The following TNS2 variants were observed in gnomAD, a reference collection of about 807,000 sequenced individuals.
TNS2 encodes the protein tensin-2.
TNS2 carries 77 observed loss-of-function variants against 155.7 expected under a neutral mutation model. The observed-to-expected ratio is 0.49, with a 90% confidence interval of 0.41 to 0.60. TNS2 has a LOEUF of 0.60. Ranked by LOEUF, TNS2 falls within the 20% of genes least tolerant of loss-of-function variation. The pLI is 0.00. For missense variants in TNS2, 1,703 were observed against 1,868.8 expected (o/e 0.91, Z 1.64); for synonymous variants, 726 against 763.9 (o/e 0.95, Z 0.82).
chr12:53,054,335 G>C lies in TNS2; in HGVS notation c.416G>C (p.Arg139Pro). The change falls in exon 7 of 29, where the codon CGC (arginine) becomes CCC (proline). Residue 139 changes from arginine (R) to proline (P), a missense_variant. Physicochemically the swap from Arg to Pro is moderately radical, Grantham distance 103. Coordinates refer to ENST00000314250, the MANE Select transcript of TNS2 (RefSeq NM_170754.4). ...WDLDLTYVTE[R>P]ILAAAFPARP... ...TTAGACCTCACCTACGTGACGGAGC[G>C]CATCTTGGCCGCCGCCTTCCCCGCG... 6.2e-7 allele frequency: 1 copy of C among 1,613,132 alleles called. No individual in the cohort carries two copies. Among genetic ancestry groups the C allele is most frequent in the Non-Finnish European group, 8.5e-7 (1 of 1,179,872 alleles).
intron 4 of TNS2, 62 bp from the exon 5 acceptor site, chr12:53,053,712 C>T (rs1426376993): frequency 1.3e-6 from 2 of 1,593,986 alleles, no homozygotes; most frequent in African/African-American, 2.7e-5. Context: ...CCCCAAGGCC[C>T]ACATTGGTCC....
rs1277828137 is a variant in TNS2 at position 53,060,455 on chromosome 12, C to T, written c.2668C>T (p.Leu890=). 6.2e-7 allele frequency: 1 copy of T among 1,613,706 alleles called. No individual in the cohort carries two copies. Among genetic ancestry groups the T allele is most frequent in the Non-Finnish European group, 8.5e-7 (1 of 1,179,992 alleles). Residue 890 remains leucine (L), a synonymous_variant, in exon 19 of 29, where the codon CTG becomes TTG. Transcript: ENST00000314250. This position sits in a 1 kb window ranked among gnomAD's most constrained non-coding sequence, Gnocchi z 6.1. ...WREGPSGHST[L]PRSPRDAPCS... The stretch of plus-strand genomic sequence containing the variant: ...GGAGGGCCCCAGTGGGCACAGCACA[C>T]TGCCTCGGTCTCCCCGAGATGCCCC...
At chr12:53,056,722 A>T (rs1048802022) in intron 10 of TNS2, among the ~76,000 whole-genome samples, 2 of 152,210 alleles carry the variant, frequency 1.3e-5, no homozygotes, top group Non-Finnish European at 2.9e-5. Context: ...CTATTTCCAA[A>T]TAAGGTCACA....
intron 3 of TNS2, 47 bp from the exon 4 acceptor site, chr12:53,053,364 G>C: frequency 6.2e-7 from 1 of 1,612,620 alleles, no homozygotes; most frequent in African/African-American, 1.3e-5. Context: ...TCAAGCCCAC[G>C]AGAGCCCTTC....
chr12:53,055,143 G>A, intron 7 of TNS2, 43 bp from the exon 8 acceptor site: 1 of 1,608,608 alleles, frequency 6.2e-7, no homozygotes, highest in South Asian at 1.1e-5. Context: ...GTGCCTCATT[G>A]CCGGAGATCA....
At chr12:53,058,488 AGGCAGGTG>A in intron 15 of TNS2, 43 bp downstream of exon 15, 1 of 487,794 alleles carries the variant, frequency 2.1e-6, no homozygotes, top group South Asian at 7.5e-5. Flanking sequence ...TCCAGGTGGC[AGGCAGGTG>A]GCAGGCAGGT....
In TNS2 at chr12:53,059,068, G is replaced by T. The variant is rs777510059; in HGVS notation, c.1427G>T (p.Gly476Val). Residue 476 changes from glycine to valine, a missense_variant, in exon 18 of 29, where the codon GGT (glycine) becomes GTT (valine). Coordinates refer to ENST00000314250, the MANE Select transcript of TNS2 (RefSeq NM_170754.4). The surrounding 1 kb of genome is among the most constrained non-coding windows in gnomAD (Gnocchi z 4.7). Reference protein sequence around the residue: ...SVDGSLTHTRGPLDGSPYAQV... With the variant: ...SVDGSLTHTRVPLDGSPYAQV... The stretch of plus-strand genomic sequence containing the variant: ...TCAGGCTCCTTGACCCACACCCGGG[G>T]TCCCCTGGATGGCAGTCCTTATGCC... 1.3e-6 allele frequency: 2 copies of T among 1,537,494 alleles called. No individual in the cohort carries two copies. The highest frequency in any genetic ancestry group is 8.7e-7 in the Non-Finnish European group (1 of 1,144,742).
intron 7 of TNS2, 133 bp downstream of exon 7, chr12:53,054,574 G>A: frequency 8.4e-7 from 1 of 1,186,090 alleles, no homozygotes; most frequent in Non-Finnish European, 1.1e-6. Context: ...GTGGGGGCGG[G>A]GCCCGGAGCG....
At chr12:53,055,290 A>G in intron 8 of TNS2, 54 bp downstream of exon 8, 1 of 1,581,476 alleles carries the variant, frequency 6.3e-7, no homozygotes, top group Non-Finnish European at 8.6e-7. Flanking sequence ...CAACCCCAGA[A>G]GCCCCCAGCT....
At chr12:53,054,483 G>A in intron 7 of TNS2, 42 bp downstream of exon 7, 3 of 1,550,140 alleles carry the variant, frequency 1.9e-6, no homozygotes, top group Non-Finnish European at 2.6e-6. Flanking sequence ...TGAGAGGGAT[G>A]TAGGGTCCAG....
intron 8 of TNS2, 136 bp downstream of exon 8, chr12:53,055,372 T>C: frequency 8.6e-7 from 1 of 1,158,618 alleles, no homozygotes; most frequent in South Asian, 1.4e-5. Flanking sequence ...CATGATATAT[T>C]ACTGGAGACA....
Position 53,059,507 on chromosome 12 carries a change from C to G in TNS2, c.1866C>G (p.Ala622=), listed in dbSNP as rs1944297025. ...GAACCCTGGAGAGGAGGCGACTGGC[C>G]TACGGGGGCTATGAGGGATCCCCCC... The part of the protein sequence containing the change: ...PEGTLERRRL[A]YGGYEGSPQG... Residue 622 remains alanine, a synonymous_variant, in exon 18 of 29, where the codon GCC becomes GCG. Transcript: ENST00000314250. The surrounding 1 kb of genome is among the most constrained non-coding windows in gnomAD (Gnocchi z 4.7). The G allele has an allele frequency of 1.3e-6, 2 of 1,577,330 alleles. No individual in the cohort carries two copies. Among genetic ancestry groups the G allele is most frequent in the Non-Finnish European group, 8.6e-7 (1 of 1,164,750 alleles).
At position 53,062,430 on chromosome 12, in the gene TNS2, G is replaced by A. The variant is rs753991011; in HGVS notation, c.3722G>A (p.Cys1241Tyr). The A allele has an allele frequency of 3.7e-6, 6 of 1,613,770 alleles. No homozygotes were observed. In the African/African-American group the frequency reaches 5.3e-5, roughly 14 times the overall value. Residue 1241 changes from cysteine (C) to tyrosine (Y), a missense_variant, in exon 24 of 29, where the codon TGC (cysteine) becomes TAC (tyrosine). Coordinates refer to ENST00000314250, the MANE Select transcript of TNS2 (RefSeq NM_170754.4). The stretch of plus-strand genomic sequence containing the variant: ...TCCATCTCCCCCATCTCCCTGCCCT[G>A]CTGCCTGCGCATTCCCAGCAAAGGT... ...QHSISPISLP[C>Y]CLRIPSKDPL...
At chr12:53,058,992 C>G (rs1944268717) in intron 17 of TNS2, 55 bp from the exon 18 acceptor site, 9 of 1,537,326 alleles carry the variant, frequency 5.9e-6, no homozygotes, top group Non-Finnish European at 7.0e-6. Context: ...TGAATTTTCT[C>G]TCTCCCTCCC....
In TNS2 at chr12:53,063,846, C is replaced by G; in HGVS notation, c.4194C>G (p.Thr1398=). The G allele has an allele frequency of 6.2e-7, 1 of 1,614,124 alleles. No homozygotes were observed. The highest frequency in any genetic ancestry group is 1.6e-4 in the Middle Eastern group (1 of 6,062). ...DPDQPAGAIV[T]FITKVLLGQR... ...ATCAGCCTGCTGGCGCCATTGTCAC[C>G]TTCATCACCAAAGTTCTACTGGGCC... is the stretch of plus-strand genomic sequence containing the variant. Residue 1398 remains threonine, a synonymous_variant, in exon 29 of 29, where the codon ACC becomes ACG. Coordinates refer to ENST00000314250, the MANE Select transcript of TNS2 (RefSeq NM_170754.4). The surrounding 1 kb of genome is among the most constrained non-coding windows in gnomAD (Gnocchi z 5.6).
Position 53,060,943 on chromosome 12 carries a change from C to A in TNS2, c.3037C>A (p.Arg1013Ser). 1 of 1,599,860 alleles carries A rather than the reference C, an allele frequency of 6.3e-7. No homozygotes were observed. Among genetic ancestry groups the A allele is most frequent in the Non-Finnish European group, 8.5e-7 (1 of 1,173,682 alleles). ...TGTGCCCACCACACTTCCTGGCCTC[C>A]GCCACGCCCCCTGGCAAGGCCCTCG... ...SPVPTTLPGL[R>S]HAPWQGPRGP... Residue 1013 changes from arginine to serine, a missense_variant, in exon 20 of 29, where the codon CGC becomes AGC. Coordinates refer to ENST00000314250, the MANE Select transcript of TNS2 (RefSeq NM_170754.4). The surrounding 1 kb of genome is among the most constrained non-coding windows in gnomAD (Gnocchi z 6.1).
In TNS2 at chr12:53,064,121, G is replaced by C. The variant is rs918676458; in HGVS notation, c.*239G>C. 2.0e-6 allele frequency: 1 copy of C among 511,294 alleles called. No homozygotes were observed. Among genetic ancestry groups the C allele is most frequent in the Non-Finnish European group, 3.5e-6 (1 of 288,396 alleles). The allele number at this position is 511,294 out of a possible 1,614,324, so 31.7% of individuals were successfully genotyped here. ...GCAGATGGCAGAGATGGGTGTGTGA[G>C]GGGTGAGGAGGCATCAGCAGTTGAG... On this transcript the variant is annotated 3_prime_UTR_variant, in exon 29 of 29. Coordinates refer to ENST00000314250, the MANE Select transcript of TNS2 (RefSeq NM_170754.4).
rs982810864 is a variant in TNS2 at position 53,051,938 on chromosome 12, C to T, written c.159C>T (p.Ile53=). The change falls in exon 2 of 29, where the codon ATC becomes ATT. Residue 53 remains isoleucine, a synonymous_variant. Transcript: ENST00000314250. ...PPVCAVCKVT[I]DGTGVSCRVC... ...TCTGTGCAGTATGTAAGGTGACCAT[C>T]GATGGGACAGGCGTTTCGTGCAGAG... 4.3e-6 allele frequency: 7 copies of T among 1,613,316 alleles called. No individual in the cohort carries two copies. The highest frequency in any genetic ancestry group is 1.3e-5 in the African/African-American group (1 of 74,902).
At chr12:53,057,877 C>G in intron 13 of TNS2, 44 bp downstream of exon 13, 1 of 1,612,654 alleles carries the variant, frequency 6.2e-7, no homozygotes, top group Non-Finnish European at 8.5e-7. Flanking sequence ...ATGACCAGGG[C>G]CCCTCTTGCT....
Sources: allele counts gnomAD v4.1 joint callset (sites outside exome capture counted in the v4.1 genomes callset), GRCh38; gene constraint gnomAD v4.1.1; non-coding constraint Gnocchi (gnomAD v3.1); transcripts MANE v1.5; gene names NCBI Gene and HGNC (gene_info 2026-07-23, HGNC 2026-07-21).